ABCA13: variants seen among roughly 807,000 people sequenced by gnomAD.
ABCA13 encodes the protein ATP binding cassette subfamily A member 13, also known as ATP-binding cassette sub-family A member 13.
In ABCA13, 476 loss-of-function variants were observed where a neutral mutation model predicts 478.7. The ratio of observed to expected loss-of-function variants is 0.99; its 90% confidence interval spans 0.92 to 1.07. The LOEUF (loss-of-function observed/expected upper bound fraction) is 1.07. ABCA13 is among the 50% of genes least tolerant of loss of function. The pLI is 0.00. For synonymous variants in ABCA13, 2,252 were observed against 2,158.9 expected (o/e 1.04, Z -1.20); for missense variants, 6,060 against 5,910.6 (o/e 1.03, Z -0.83).
chr7:48,401,744 A>AACACACAC (rs55694821), intron 38 of ABCA13, among the ~76,000 whole-genome samples: 3,727 of 143,960 alleles, frequency 0.026, 145 homozygotes, highest in African/African-American at 0.081. Context: ...AGAATTTTAA[A>AACACACAC]ACACACACAC....
chr7:48,424,977 C>T (rs28454544), intron 41 of ABCA13, among the ~76,000 whole-genome samples: 41,973 of 152,014 alleles, frequency 0.28, 5,967 homozygotes, highest in East Asian at 0.37. Flanking sequence ...CTTGATGGCA[C>T]GCATAACATT....
intron 52 of ABCA13, among the ~76,000 whole-genome samples, chr7:48,517,099 A>T (rs1275520376): frequency 1.3e-5 from 2 of 152,214 alleles, no homozygotes; most frequent in Non-Finnish European, 2.9e-5. Flanking sequence ...TTGACGAAAA[A>T]ATGTTCTGTT....
intron 28 of ABCA13, among the ~76,000 whole-genome samples, chr7:48,337,249 T>C (rs1806410989): frequency 1.3e-5 from 2 of 152,214 alleles, no homozygotes. Context: ...AGGAAAGCCC[T>C]AACTTTGCTC....
At chr7:48,372,533 A>T (rs529468672) in intron 33 of ABCA13, 36 bp downstream of exon 33, 2 of 1,341,278 alleles carry the variant, frequency 1.5e-6, no homozygotes, top group East Asian at 2.4e-5. Flanking sequence ...AAAAAAAAAA[A>T]CAACAAAATT....
intron 29 of ABCA13, among the ~76,000 whole-genome samples, chr7:48,347,402 C>T (rs1460304935): frequency 6.6e-6 from 1 of 152,234 alleles, no homozygotes; most frequent in Non-Finnish European, 1.5e-5. Flanking sequence ...TATCCACCCT[C>T]CTCCCTGGGT....
At chr7:48,471,750 A>G (rs182861720) in intron 45 of ABCA13, among the ~76,000 whole-genome samples, 151 bp downstream of exon 45, 1 of 152,318 alleles carries the variant, frequency 6.6e-6, no homozygotes, top group Admixed American at 6.5e-5. Flanking sequence ...AAGTTTTGTC[A>G]CATAAAGTGA....
chr7:48,265,271 G>T (rs1011753256), intron 15 of ABCA13, among the ~76,000 whole-genome samples: 3 of 151,174 alleles, frequency 2.0e-5, no homozygotes, highest in African/African-American at 7.3e-5. Context: ...AACTATTCTA[G>T]GTCATTTGCC....
chr7:48,510,973 A>C, intron 50 of ABCA13, 111 bp from the exon 51 acceptor site: 1 of 930,654 alleles, frequency 1.1e-6, no homozygotes. Context: ...CCTAATGTGC[A>C]AAATAGGAAA....
At chr7:48,194,566 C>T (rs1322740874) in intron 2 of ABCA13, among the ~76,000 whole-genome samples, 1 of 152,142 alleles carries the variant, frequency 6.6e-6, no homozygotes, top group East Asian at 1.9e-4. Flanking sequence ...AACAACATCA[C>T]TCCTTGAGAA....
chr7:48,215,424 C>G (rs1018796305), intron 3 of ABCA13, among the ~76,000 whole-genome samples: 4 of 151,966 alleles, frequency 2.6e-5, no homozygotes, highest in Non-Finnish European at 5.9e-5. Flanking sequence ...TTACAGAACA[C>G]AATAGCAGAT....
At chr7:48,417,712 A>T (rs1820216405) in intron 41 of ABCA13, among the ~76,000 whole-genome samples, 1 of 151,936 alleles carries the variant, frequency 6.6e-6, no homozygotes, top group Non-Finnish European at 1.5e-5. Context: ...ATTAGGCTTC[A>T]CTCTTGCTGT....
chr7:48,344,260 C>T (rs1252264568), intron 29 of ABCA13, among the ~76,000 whole-genome samples: 1 of 152,170 alleles, frequency 6.6e-6, no homozygotes, highest in South Asian at 2.1e-4. Flanking sequence ...GCTAAACATC[C>T]TACACTGCAT....
At chr7:48,406,280 A>G (rs1347690322) in intron 39 of ABCA13, among the ~76,000 whole-genome samples, 1 of 152,302 alleles carries the variant, frequency 6.6e-6, no homozygotes, top group South Asian at 2.1e-4. Flanking sequence ...GTTCTGGGGT[A>G]TGCACTTGCT....
At chr7:48,442,384 A>G (rs2129168490) in intron 42 of ABCA13, among the ~76,000 whole-genome samples, 1 of 152,244 alleles carries the variant, frequency 6.6e-6, no homozygotes, top group Non-Finnish European at 1.5e-5. Context: ...AACCCTCACG[A>G]GGTTCAGCAT....
At chr7:48,280,634 T>A (rs1180374146) in intron 18 of ABCA13, among the ~76,000 whole-genome samples, 1 of 149,392 alleles carries the variant, frequency 6.7e-6, no homozygotes, top group East Asian at 1.9e-4. Context: ...CCTGCTTTCC[T>A]CTCTGGCCCA....
chr7:48,329,997 CCATCCATTTATCTATT>C (rs1467410086), intron 27 of ABCA13, among the ~76,000 whole-genome samples: 1 of 151,782 alleles, frequency 6.6e-6, no homozygotes, highest in Non-Finnish European at 1.5e-5. Context: ...ATCTATCCAT[CCATCCATTTATCTATT>C]CATCCATTGA....
chr7:48,350,681 G>A lies in ABCA13; in HGVS notation c.10243G>A (p.Gly3415Arg). The change falls in exon 30 of 62, where the codon GGA becomes AGA. Residue 3415 changes from glycine (G) to arginine (R), a missense_variant. Transcript: ENST00000435803. ...LDEMFNHAGA[G>R]RFRFLGSILV... ...TGAGATGTTTAACCATGCAGGCGCT[G>A]GACGCTTCCGTTTCTTGGGCAGCAT... is the stretch of plus-strand genomic sequence containing the variant. 6.2e-7 allele frequency: 1 copy of A among 1,613,914 alleles called. No individual in the cohort carries two copies. The highest frequency in any genetic ancestry group is 1.1e-5 in the South Asian group (1 of 91,068).
At chr7:48,200,799 T>C (rs762661925) in intron 3 of ABCA13, among the ~76,000 whole-genome samples, 1 of 152,140 alleles carries the variant, frequency 6.6e-6, no homozygotes, top group Non-Finnish European at 1.5e-5. Context: ...TGGATTCAAT[T>C]GAAGTTCAAG....
At chr7:48,609,850 A>C (rs1791847468) in intron 58 of ABCA13, among the ~76,000 whole-genome samples, 2 of 152,228 alleles carry the variant, frequency 1.3e-5, no homozygotes, top group Admixed American at 1.3e-4. Context: ...TCACTATCAC[A>C]AGAATAGCAA....
Sources: gnomAD v4.1 joint callset for allele counts (sites outside exome capture counted in the v4.1 genomes callset) on GRCh38, gnomAD v4.1.1 for gene constraint, MANE v1.5 for transcripts, NCBI Gene and HGNC (gene_info 2026-07-23, HGNC 2026-07-21) for gene names.